The following SLC12A2 variants were observed in gnomAD, a reference collection of about 807,000 sequenced individuals.
The protein encoded by SLC12A2 is Na-K-2Cl cotransporter 1.
In SLC12A2, 67 loss-of-function variants were observed where a neutral mutation model predicts 136.3. The observed-to-expected ratio is 0.49, with a 90% CI of 0.40 to 0.60. The LOEUF is 0.60. Among genes scored for constraint, SLC12A2 ranks in the 20% least tolerant of loss-of-function variants. The pLI, the probability that SLC12A2 is intolerant of heterozygous loss-of-function variation, is 0.00. For missense variants in SLC12A2, 1,322 were observed against 1,534.7 expected, an observed-to-expected ratio of 0.86 and a Z score of 2.32; for synonymous variants, 619 against 562.9, an observed-to-expected ratio of 1.10 and a Z score of -1.41.
intron 16 of SLC12A2, among the ~76,000 whole-genome samples, chr5:128,160,985 G>C (rs1763016948): frequency 6.6e-6 from 1 of 152,000 alleles, no homozygotes. Context: ...TTGAGCATAA[G>C]ACATTTACAA....
chr5:128,179,307 A>G (rs1321676402), intron 22 of SLC12A2, among the ~76,000 whole-genome samples: 11 of 152,204 alleles, frequency 7.2e-5, no homozygotes, highest in Non-Finnish European at 1.6e-4. Flanking sequence ...TTGCCAAATG[A>G]TGATTCTCCT....
At chr5:128,173,332 T>G (rs891471995) in intron 19 of SLC12A2, among the ~76,000 whole-genome samples, 1 of 152,246 alleles carries the variant, frequency 6.6e-6, no homozygotes, top group African/African-American at 2.4e-5. Flanking sequence ...AGTGCCTAAC[T>G]TATACCTGTT....
In SLC12A2 at chr5:128,150,651, G is replaced by A. The variant is rs564345488; in HGVS notation, c.2107+553G>A. Among the ~76,000 whole-genome samples the A allele has an allele frequency of 9.2e-5, 14 of 151,566 alleles. No individual in the cohort carries two copies. In the South Asian group the frequency reaches 1.7e-3, roughly 18 times the overall value. ...AAATTATTTTTTTAAAATAATTTTG[G>A]CTTTGGAACTACCTACCAATGAAAA... On this transcript the variant is annotated intron_variant, in intron 13 of 26. Coordinates refer to ENST00000262461, the MANE Select transcript of SLC12A2 (RefSeq NM_001046.3).
intron 4 of SLC12A2, among the ~76,000 whole-genome samples, chr5:128,123,745 T>G (rs1021877356): frequency 6.6e-6 from 1 of 152,212 alleles, no homozygotes; most frequent in African/African-American, 2.4e-5. Flanking sequence ...GGCTTGTCAT[T>G]TCATTCCTTC....
chr5:128,146,519 T>C (rs564251169), intron 10 of SLC12A2, among the ~76,000 whole-genome samples: 8 of 147,130 alleles, frequency 5.4e-5, no homozygotes, highest in African/African-American at 1.6e-4. Flanking sequence ...ATCTTAGTGA[T>C]CAATCCTATG....
In SLC12A2 at chr5:128,084,290, G is replaced by A. The variant is rs1444299369; in HGVS notation, c.336G>A (p.Gly112=). The change falls in exon 1 of 27, where the codon GGG becomes GGA. Residue 112 remains glycine (G), a synonymous_variant. Transcript: ENST00000262461. This position sits in a 1 kb window ranked among gnomAD's most constrained non-coding sequence, Gnocchi z 5.6. ...AAAAAAGAGA[G]AKQTPADGEA... The stretch of plus-strand genomic sequence containing the variant: ...CGGCGGCGGCTGGTGCTGGGGCGGG[G>A]GCCAAGCAGACCCCCGCGGACGGGG... 18 of 1,484,206 alleles carry A rather than the reference G, an allele frequency of 1.2e-5. No homozygotes were observed. The highest frequency in any genetic ancestry group is 4.0e-5 in the South Asian group (3 of 74,770). 91.9% of individuals were successfully genotyped at this position (1,484,206 alleles called of 1,614,324 possible).
At chr5:128,094,931 A>G (rs1421857607) in intron 1 of SLC12A2, among the ~76,000 whole-genome samples, 1 of 152,140 alleles carries the variant, frequency 6.6e-6, no homozygotes, top group Non-Finnish European at 1.5e-5. Flanking sequence ...TCATTGGACA[A>G]TTGAGATACC....
At chr5:128,098,296 A>G (rs1214611860) in intron 1 of SLC12A2, among the ~76,000 whole-genome samples, 3 of 152,080 alleles carry the variant, frequency 2.0e-5, no homozygotes, top group Non-Finnish European at 2.9e-5. Context: ...AATTTATTCC[A>G]GGTCTAGAAT....
chr5:128,147,425 A>G (rs867522151), intron 10 of SLC12A2, among the ~76,000 whole-genome samples, 197 bp from the exon 11 acceptor site: 2 of 151,686 alleles, frequency 1.3e-5, no homozygotes, highest in South Asian at 4.1e-4. Context: ...TTTACGAATG[A>G]AAAGGTTTTC....
intron 1 of SLC12A2, among the ~76,000 whole-genome samples, chr5:128,111,607 T>C (rs955669437): frequency 9.9e-5 from 15 of 151,672 alleles, no homozygotes; most frequent in African/African-American, 3.6e-4. Context: ...CTACTAAAAA[T>C]ACAAAAAATT....
rs140110259 is a variant in SLC12A2, at chr5:128,101,507, T to C, written c.757-11307T>C. 9.9e-5 allele frequency among the ~76,000 whole-genome samples: 15 copies of C among 152,274 alleles called. No homozygotes were observed. In the East Asian group the frequency reaches 2.9e-3, roughly 29 times the overall value. On this transcript the variant is annotated intron_variant, in intron 1 of 26. Transcript: ENST00000262461. ...TAGGTGGACTTTAACATTTTTGAAA[T>C]ATAATTTTGGGTTTATTTAAATCAA...
In SLC12A2 at chr5:128,114,566, G is replaced by A. The variant is rs373336126; in HGVS notation, c.953-20G>A. ...AAACAAGAGTGTAAGTATTCTCATT[G>A]TCTTTCTTTCTTCGTAAAGGTCTAT... On this transcript the variant is annotated intron_variant, in intron 3 of 26. Coordinates refer to ENST00000262461, the MANE Select transcript of SLC12A2 (RefSeq NM_001046.3). The A allele has an allele frequency of 6.6e-6, 10 of 1,510,380 alleles. No homozygotes were observed. The highest frequency in any genetic ancestry group is 1.7e-5 in the Admixed American group (1 of 59,740). 93.6% of individuals were successfully genotyped at this position (1,510,380 alleles called of 1,614,324 possible). A position where few individuals can be genotyped will look rare whatever the true frequency, so the allele number is the denominator to read the frequency against.
chr5:128,147,135 A>G (rs1762554504), intron 10 of SLC12A2, among the ~76,000 whole-genome samples: 1 of 150,880 alleles, frequency 6.6e-6, no homozygotes, highest in African/African-American at 2.4e-5. Context: ...TTAAAAGATA[A>G]GAAAGGACAA....
At chr5:128,184,234 T>C in intron 24 of SLC12A2, 132 bp from the exon 25 acceptor site, 1 of 538,942 alleles carries the variant, frequency 1.9e-6, no homozygotes, top group Non-Finnish European at 3.2e-6. Flanking sequence ...CTGATTATTA[T>C]GGTTGGGGTA....
At chr5:128,104,549 T>C (rs1404068764) in intron 1 of SLC12A2, among the ~76,000 whole-genome samples, 1 of 151,840 alleles carries the variant, frequency 6.6e-6, no homozygotes, top group Non-Finnish European at 1.5e-5. Context: ...GGAGAATCAC[T>C]TGAACCCGGG....
At position 128,171,966 on chromosome 5, in the gene SLC12A2, A is replaced by T. The variant is rs578024162; in HGVS notation, c.2803+220A>T. On this transcript the variant is annotated intron_variant, in intron 19 of 26. Coordinates refer to ENST00000262461, the MANE Select transcript of SLC12A2 (RefSeq NM_001046.3). ...GGTTAGTGATTATTTGGATTGAATA[A>T]AATTCAATCCAAAGCATAAGCTTAA... is the stretch of plus-strand genomic sequence containing the variant. 27 of 375,646 alleles carry T rather than the reference A, an allele frequency of 7.2e-5. No homozygotes were observed. The East Asian group carries it at 1.1e-3, about 16-fold the overall frequency. 23.3% of individuals were successfully genotyped at this position (375,646 alleles called of 1,614,324 possible). A position where few individuals can be genotyped will look rare whatever the true frequency, so the allele number is the denominator to read the frequency against.
intron 26 of SLC12A2, 24 bp downstream of exon 26, chr5:128,184,880 T>A (rs201581561): frequency 1.3e-6 from 2 of 1,535,068 alleles, no homozygotes; most frequent in African/African-American, 1.4e-5. Flanking sequence ...TTATAAAGAT[T>A]TTCTTGCTAA....
intron 11 of SLC12A2, 84 bp from the exon 12 acceptor site, chr5:128,148,670 C>T: frequency 8.9e-7 from 1 of 1,127,986 alleles, no homozygotes; most frequent in East Asian, 2.5e-5. Flanking sequence ...ACTTGAATCT[C>T]ATTCCTGATT....
intron 3 of SLC12A2, 37 bp downstream of exon 3, chr5:128,114,324 G>A (rs1211535431): frequency 2.7e-6 from 4 of 1,482,962 alleles, no homozygotes; most frequent in Non-Finnish European, 2.8e-6. Context: ...TTGAGAATAA[G>A]CAAAATAACT....
Sources: gnomAD v4.1 joint callset for allele counts (sites outside exome capture counted in the v4.1 genomes callset) on GRCh38, gnomAD v4.1.1 for gene constraint, Gnocchi (gnomAD v3.1) non-coding constraint, MANE v1.5 for transcripts, NCBI Gene and HGNC (gene_info 2026-07-23, HGNC 2026-07-21) for gene names.